The following KIF21B variants were observed in gnomAD, a reference collection of about 807,000 sequenced individuals.
KIF21B encodes kinesin-like protein KIF21B.
Under a neutral mutation model 192.9 loss-of-function variants are expected in KIF21B, and 85 were observed. The ratio of observed to expected loss-of-function variants is 0.44; its 90% CI spans 0.37 to 0.53. KIF21B has a LOEUF of 0.53. Among genes scored for constraint, KIF21B ranks in the 20% least tolerant of loss-of-function variants. The pLI is 0.00. For synonymous variants in KIF21B, 832 were observed against 884.6 expected (o/e 0.94, Z 1.05); for missense variants, 1,716 against 2,194.8 (o/e 0.78, Z 4.36).
At position 201,005,649 on chromosome 1, in the gene KIF21B, G is replaced by A. The variant is rs777415452; in HGVS notation, c.493C>T (p.Pro165Ser). Reference sequence around the variant, plus strand: ...TTGGACCTGCGGTGGCGGGTGTCAGGGTCACGGGTGCTGTCAAACAGGTCA... The same window carrying A: ...TTGGACCTGCGGTGGCGGGTGTCAGAGTCACGGGTGCTGTCAAACAGGTCA... ...ILDLFDSTRDPDTRHRRSNIK... is the reference protein window; with the variant it reads ...ILDLFDSTRDSDTRHRRSNIK... The change falls in exon 4 of 35, where the codon CCT becomes TCT. Residue 165 changes from proline (P) to serine (S), a missense_variant. This residue lies in a region of KIF21B where 1,087 missense variants were observed against 1,316.6 expected (regional missense o/e 0.83). Transcript: ENST00000461742. 6.2e-7 allele frequency: 1 copy of A among 1,614,162 alleles called. No homozygotes were observed. The highest frequency in any genetic ancestry group is 1.1e-5 in the South Asian group (1 of 91,076).
rs565310352 is a variant in KIF21B at position 200,982,273 on chromosome 1, T to C, written c.3842+783A>G. On this transcript the variant is annotated intron_variant, in intron 28 of 34. Coordinates refer to ENST00000461742, the MANE Select transcript of KIF21B (RefSeq NM_001252102.2). This position sits in a 1 kb window ranked among gnomAD's most constrained non-coding sequence, Gnocchi z 4.7. ...TGACAGCCTGGCCAGCTGGCTAACA[T>C]CTTGTGGTGGCAAAGCCTCATGATT... is the stretch of plus-strand genomic sequence containing the variant. Among the ~76,000 whole-genome samples, 38 of 152,178 alleles carry C rather than the reference T, an allele frequency of 2.5e-4. No individual in the cohort carries two copies. The highest frequency in any genetic ancestry group is 1.0e-3 in the Admixed American group (16 of 15,296).
chr1:200,989,426 C>T (rs1277870378), intron 21 of KIF21B, among the ~76,000 whole-genome samples: 1 of 152,188 alleles, frequency 6.6e-6, no homozygotes, highest in Non-Finnish European at 1.5e-5. Context: ...TAGGGTCTGT[C>T]CCCAGAGACC....
rs986213565 is a variant in KIF21B, at chr1:201,000,309, G to A, written c.1685+81C>T. 5.2e-6 allele frequency: 7 copies of A among 1,351,876 alleles called. No homozygotes were observed. Among genetic ancestry groups the A allele is most frequent in the Non-Finnish European group, 6.0e-6 (6 of 997,628 alleles). 83.7% of individuals were successfully genotyped at this position (1,351,876 alleles called of 1,614,324 possible). A position where few individuals can be genotyped will look rare whatever the true frequency, so the allele number is the denominator to read the frequency against. On this transcript the variant is annotated intron_variant, in intron 11 of 34. Transcript: ENST00000461742. This position sits in a 1 kb window ranked among gnomAD's most constrained non-coding sequence, Gnocchi z 6.0. ...GAGGTTCCCTCCTAAACACTGGTGG[G>A]CAGCAGTCCTCCTTGGGGACGGGCA...
chr1:201,005,752 G>T, intron 3 of KIF21B, 58 bp from the exon 4 acceptor site: 1 of 1,548,046 alleles, frequency 6.5e-7, no homozygotes, highest in Non-Finnish European at 8.9e-7. Context: ...CCAGGTGGCT[G>T]CCACATGCCT....
chr1:201,013,788 A>C (rs1178247470), intron 1 of KIF21B, among the ~76,000 whole-genome samples: 2 of 152,254 alleles, frequency 1.3e-5, no homozygotes, highest in Non-Finnish European at 2.9e-5. Context: ...ATAAATTACA[A>C]CTTAGTGCAA....
rs1034124187 is a variant in KIF21B at position 201,000,326 on chromosome 1, G to A, written c.1685+64C>T. On this transcript the variant is annotated intron_variant, in intron 11 of 34. Transcript: ENST00000461742. The surrounding 1 kb of genome is among the most constrained non-coding windows in gnomAD (Gnocchi z 6.0). ...ACTGGTGGGCAGCAGTCCTCCTTGG[G>A]GACGGGCAGGGTCCACTGGGGCGGT... is the stretch of plus-strand genomic sequence containing the variant. 9 of 1,453,252 alleles carry A rather than the reference G, an allele frequency of 6.2e-6. No homozygotes were observed. The African/African-American group carries it at 8.5e-5, about 14-fold the overall frequency. 90.0% of individuals were successfully genotyped at this position (1,453,252 alleles called of 1,614,324 possible). A position where few individuals can be genotyped will look rare whatever the true frequency, so the allele number is the denominator to read the frequency against.
At chr1:201,007,233 C>A (rs1467151187) in intron 3 of KIF21B, among the ~76,000 whole-genome samples, 1 of 148,394 alleles carries the variant, frequency 6.7e-6, no homozygotes, top group Non-Finnish European at 1.5e-5. Context: ...CACACACAGA[C>A]ACACACACAC....
At chr1:200,992,909 G>C (rs1656798916) in intron 15 of KIF21B, among the ~76,000 whole-genome samples, 1 of 152,230 alleles carries the variant, frequency 6.6e-6, no homozygotes. Context: ...AATCATGAGA[G>C]AGGCATTATC....
At position 200,972,222 on chromosome 1, in the gene KIF21B, C is replaced by G. The variant is rs1222636633; in HGVS notation, c.*1299G>C. 1.3e-5 allele frequency: 2 copies of G among 152,376 alleles called. No individual in the cohort carries two copies. The highest frequency in any genetic ancestry group is 4.8e-5 in the African/African-American group (2 of 41,460). The allele number at this position is 152,376 out of a possible 1,614,324, so 9.4% of individuals were successfully genotyped here. ...GAGAAACTCTGCCAACTCCCTCTTC[C>G]TTGATAATTTTCTGCAAGGGAGGGC... On this transcript the variant is annotated 3_prime_UTR_variant, in exon 35 of 35. Coordinates refer to ENST00000461742, the MANE Select transcript of KIF21B (RefSeq NM_001252102.2).
intron 34 of KIF21B, chr1:200,973,897 C>G (rs1051767643): frequency 4.7e-5 from 69 of 1,481,578 alleles, no homozygotes; most frequent in Non-Finnish European, 6.0e-5. Flanking sequence ...TCCCACTGTT[C>G]ATGCTTGGAA....
intron 3 of KIF21B, among the ~76,000 whole-genome samples, chr1:201,008,205 C>T (rs796144283): frequency 4.6e-5 from 7 of 152,068 alleles, no homozygotes; most frequent in African/African-American, 1.7e-4. Flanking sequence ...AAGCCCCTCC[C>T]TGGCTGCCAC....
chr1:200,998,624 T>G lies in KIF21B; in HGVS notation c.1886-49A>C. 6.4e-7 allele frequency: 1 copy of G among 1,570,130 alleles called. No individual in the cohort carries two copies. Among genetic ancestry groups the G allele is most frequent in the Non-Finnish European group, 8.7e-7 (1 of 1,148,498 alleles). On this transcript the variant is annotated intron_variant, in intron 13 of 34. Coordinates refer to ENST00000461742, the MANE Select transcript of KIF21B (RefSeq NM_001252102.2). The surrounding 1 kb of genome is among the most constrained non-coding windows in gnomAD (Gnocchi z 4.3). Reference sequence around the variant, plus strand: ...GCCCAGCGTTAGGGCGAGGGGCAAATTGGGGAGCAGATGTGCCAGTGCTGG... The same window carrying G: ...GCCCAGCGTTAGGGCGAGGGGCAAAGTGGGGAGCAGATGTGCCAGTGCTGG...
At chr1:200,989,875 C>A (rs527429976) in intron 21 of KIF21B, 67 bp downstream of exon 21, 38 of 1,321,946 alleles carry the variant, frequency 2.9e-5, no homozygotes, top group African/African-American at 1.7e-4. Context: ...CTGGGCTTCA[C>A]ACTAGGGTAT....
chr1:200,989,584 C>T (rs976445326), intron 21 of KIF21B, among the ~76,000 whole-genome samples: 1 of 152,226 alleles, frequency 6.6e-6, no homozygotes, highest in African/African-American at 2.4e-5. Context: ...TTCCCCTACC[C>T]CCACATACAC....
In KIF21B at chr1:200,986,849, G is replaced by A; in HGVS notation, c.3684C>T (p.Pro1228=). 6.2e-7 allele frequency: 1 copy of A among 1,612,830 alleles called. No individual in the cohort carries two copies. Among genetic ancestry groups the A allele is most frequent in the Non-Finnish European group, 8.5e-7 (1 of 1,179,290 alleles). The part of the protein sequence containing the change: ...TRRKSYDRGQ[P]IRSTDVGFTP... ...ATTCTAGAACATGATCTCACCTAAT[G>A]GGCTGCCCTCGGTCGTAGGACTTCC... Residue 1228 remains proline (P), a synonymous_variant, in exon 26 of 35, where the codon CCC becomes CCT. Coordinates refer to ENST00000461742, the MANE Select transcript of KIF21B (RefSeq NM_001252102.2).
intron 15 of KIF21B, 42 bp from the exon 16 acceptor site, chr1:200,992,431 G>C: frequency 6.3e-7 from 1 of 1,598,032 alleles, no homozygotes; most frequent in Non-Finnish European, 8.5e-7. Flanking sequence ...AGGGCTGGGA[G>C]GCAGGTGGCC....
chr1:200,974,222 G>T, intron 34 of KIF21B: 2 of 1,525,284 alleles, frequency 1.3e-6, no homozygotes, highest in Non-Finnish European at 1.8e-6. Context: ...CGAGGACAGA[G>T]AGGAGAGGTG....
At chr1:201,012,790 C>T (rs1254708678) in intron 1 of KIF21B, among the ~76,000 whole-genome samples, 4 of 152,088 alleles carry the variant, frequency 2.6e-5, no homozygotes, top group South Asian at 2.1e-4. Context: ...ACAACAGGCA[C>T]GCACCATCAT....
At chr1:201,018,717 T>C (rs555745657) in intron 1 of KIF21B, among the ~76,000 whole-genome samples, 1 of 152,316 alleles carries the variant, frequency 6.6e-6, no homozygotes, top group South Asian at 2.1e-4. Flanking sequence ...ATCAATCACC[T>C]AGCCAGCTGA....
Sources: allele counts gnomAD v4.1 joint callset (sites outside exome capture counted in the v4.1 genomes callset), GRCh38; gene constraint gnomAD v4.1.1; regional missense constraint gnomAD v4.1.1; non-coding constraint Gnocchi (gnomAD v3.1); transcripts MANE v1.5; gene names NCBI Gene and HGNC (gene_info 2026-07-23, HGNC 2026-07-21).